NAV3: variants seen among roughly 807,000 people sequenced by gnomAD.
NAV3 encodes the protein neuron navigator 3.
A neutral mutation model predicts 244.7 loss-of-function variants in NAV3; 87 were observed. That is an observed-to-expected ratio of 0.36 (90% CI 0.30 to 0.42). NAV3 has a LOEUF of 0.42. Among genes scored for constraint, NAV3 ranks in the 20% least tolerant of loss-of-function variants. The pLI is 1.00. For missense variants in NAV3, 2,663 were observed against 2,893.3 expected (o/e 0.92, Z 1.83); for synonymous variants, 1,126 against 1,042.2 (o/e 1.08, Z -1.55).
In NAV3 at chr12:77,703,125, A is replaced by G. The variant is rs981060953; in HGVS notation, c.72+130859A>G. On this transcript the variant is annotated intron_variant, in intron 2 of 8. Coordinates refer to the NAV3 transcript ENST00000550042. ...TATAAATCTGTCCTGCTCCACCACA[A>G]CAATCTGGATATAGAACATTTCTTT... 3.9e-5 allele frequency among the ~76,000 whole-genome samples: 6 copies of G among 152,084 alleles called. No individual in the cohort carries two copies. The East Asian group carries it at 7.7e-4, about 20-fold the overall frequency.
intron 2 of NAV3, among the ~76,000 whole-genome samples, chr12:77,776,998 T>C (rs187751207): frequency 6.6e-5 from 10 of 152,280 alleles, no homozygotes; most frequent in Non-Finnish European, 1.3e-4. Context: ...ATTTATTCAG[T>C]GAAATATTGT....
chr12:78,021,295 A>G (rs1877110479), intron 8 of NAV3, among the ~76,000 whole-genome samples: 3 of 152,124 alleles, frequency 2.0e-5, no homozygotes, highest in Non-Finnish European at 4.4e-5. Context: ...AATGATGTAT[A>G]AAGTCTAGAA....
intron 19 of NAV3, among the ~76,000 whole-genome samples, chr12:78,139,482 G>A (rs376553536): frequency 4.3e-4 from 66 of 152,042 alleles, no homozygotes; most frequent in Middle Eastern, 6.8e-3. Flanking sequence ...TTGTCACATC[G>A]TTCATACTCA....
intron 12 of NAV3, among the ~76,000 whole-genome samples, chr12:78,061,852 C>T (rs1287314499): frequency 1.3e-5 from 2 of 151,880 alleles, no homozygotes; most frequent in Non-Finnish European, 2.9e-5. Flanking sequence ...CATGTAAAAA[C>T]ATGTTTCCTG....
At chr12:77,966,904 G>T (rs528657474) in intron 4 of NAV3, among the ~76,000 whole-genome samples, 1 of 151,946 alleles carries the variant, frequency 6.6e-6, no homozygotes, top group Non-Finnish European at 1.5e-5. Context: ...TTTTTTCTGA[G>T]TTTATTTTAC....
At position 78,122,031 on chromosome 12, in the gene NAV3, A is replaced by G. The variant is rs756634296; in HGVS notation, c.3841A>G (p.Thr1281Ala). Residue 1281 changes from threonine (T) to alanine (A), a missense_variant, in exon 16 of 40, where the codon ACA (threonine) becomes GCA (alanine). Physicochemically the swap from Thr to Ala is moderately conservative, Grantham distance 58. Transcript: ENST00000397909. Reference sequence around the variant, plus strand: ...CTCAGTAATGCCCAGCCCTAGTACCACATTAGCGCGGCAAGGCAGTCTGGA... The same window carrying G: ...CTCAGTAATGCCCAGCCCTAGTACCGCATTAGCGCGGCAAGGCAGTCTGGA... ...SSSVMPSPST[T>A]LARQGSLESP... 9 of 1,614,182 alleles carry G rather than the reference A, an allele frequency of 5.6e-6. No homozygotes were observed. In the Admixed American group the frequency reaches 1.5e-4, roughly 27 times the overall value.
chr12:77,987,349 CAT>C (rs1870694402), intron 5 of NAV3, among the ~76,000 whole-genome samples: 5 of 152,168 alleles, frequency 3.3e-5, no homozygotes, highest in South Asian at 2.1e-4. Context: ...ATAAAATGCA[CAT>C]GAGTTAACAT....
intron 3 of NAV3, among the ~76,000 whole-genome samples, chr12:77,962,309 T>A (rs934223464): frequency 2.6e-5 from 4 of 152,152 alleles, no homozygotes; most frequent in Admixed American, 6.6e-5. Context: ...AACCTCTCAA[T>A]TGAACTCCAG....
intron 2 of NAV3, among the ~76,000 whole-genome samples, chr12:77,716,227 A>G (rs1876354458): frequency 6.6e-6 from 1 of 151,886 alleles, no homozygotes; most frequent in South Asian, 2.1e-4. Flanking sequence ...TATGTTTTAT[A>G]AGTTTTGGAC....
chr12:77,788,904 T>C (rs1364436439), intron 2 of NAV3, among the ~76,000 whole-genome samples: 1 of 152,134 alleles, frequency 6.6e-6, no homozygotes, highest in African/African-American at 2.4e-5. Context: ...CAAACTTATT[T>C]CTTCATGACC....
intron 2 of NAV3, among the ~76,000 whole-genome samples, chr12:77,586,485 C>A (rs1199967200): frequency 6.6e-6 from 1 of 152,030 alleles, no homozygotes; most frequent in Non-Finnish European, 1.5e-5. Context: ...TAAAAATGGG[C>A]TTTTGTAGAG....
intron 2 of NAV3, among the ~76,000 whole-genome samples, chr12:77,686,412 C>CT (rs201571825): frequency 0.06 from 3,358 of 55,886 alleles, 135 homozygotes; most frequent in African/African-American, 0.15. Context: ...CTTTTCTTTT[C>CT]TTTCTTTCTT....
chr12:77,738,556 C>T (rs1419828314), intron 2 of NAV3, among the ~76,000 whole-genome samples: 1 of 152,222 alleles, frequency 6.6e-6, no homozygotes, highest in East Asian at 1.9e-4. Context: ...CACATACACA[C>T]TCTCACATAT....
chr12:77,583,269 AT>A (rs1869450980), intron 2 of NAV3, among the ~76,000 whole-genome samples: 1 of 152,192 alleles, frequency 6.6e-6, no homozygotes, highest in Admixed American at 6.5e-5. Flanking sequence ...CAGCTGCTTG[AT>A]TAGACAATAT....
chr12:78,165,672 A>G (rs1181957988), intron 23 of NAV3, among the ~76,000 whole-genome samples: 1 of 151,862 alleles, frequency 6.6e-6, no homozygotes, highest in African/African-American at 2.4e-5. Flanking sequence ...GAGAAAATGT[A>G]TCTTAAAAAA....
At chr12:77,739,975 G>T (rs1166712517) in intron 2 of NAV3, among the ~76,000 whole-genome samples, 1 of 152,110 alleles carries the variant, frequency 6.6e-6, no homozygotes, top group Non-Finnish European at 1.5e-5. Flanking sequence ...AATACAAAGT[G>T]CAAAATCAGA....
At chr12:77,795,481 G>T (rs1260391781) in intron 2 of NAV3, among the ~76,000 whole-genome samples, 1 of 152,120 alleles carries the variant, frequency 6.6e-6, no homozygotes, top group African/African-American at 2.4e-5. Flanking sequence ...ATCTGATGAA[G>T]ATGGCTACAC....
chr12:77,952,033 G>C (rs145486766), intron 3 of NAV3, among the ~76,000 whole-genome samples: 7 of 149,376 alleles, frequency 4.7e-5, no homozygotes, highest in Non-Finnish European at 1.0e-4. Flanking sequence ...AAACCTGCAC[G>C]TTGTGCACAG....
chr12:77,887,548 A>T (rs571680789), intron 1 of NAV3, among the ~76,000 whole-genome samples: 1 of 152,178 alleles, frequency 6.6e-6, no homozygotes, highest in Non-Finnish European at 1.5e-5. Flanking sequence ...ATGATAACAA[A>T]GGCAATATCT....
Sources: allele counts gnomAD v4.1 joint callset (sites outside exome capture counted in the v4.1 genomes callset), GRCh38; gene constraint gnomAD v4.1.1; transcripts MANE v1.5; gene names NCBI Gene and HGNC (gene_info 2026-07-23, HGNC 2026-07-21).